The following STX6 variants were observed in gnomAD, a reference collection of about 807,000 sequenced individuals.
STX6 encodes the protein syntaxin 6, also known as syntaxin-6.
Under a neutral mutation model 38.0 loss-of-function variants are expected in STX6, and 23 were observed. The observed-to-expected ratio is 0.60, with a 90% CI of 0.43 to 0.86. The LOEUF (loss-of-function observed/expected upper bound fraction) is 0.86, where lower values mean the gene tolerates loss of function less well. Ranked by LOEUF, STX6 falls within the 40% of genes least tolerant of loss-of-function variation. STX6 has a pLI of 0.00. For synonymous variants in STX6, 123 were observed against 107.5 expected (o/e 1.14, Z -0.89); for missense variants, 274 against 312.9 (o/e 0.88, Z 0.94).
intron 4 of STX6, among the ~76,000 whole-genome samples, chr1:180,991,632 G>A (rs1655758787): frequency 6.6e-6 from 1 of 152,190 alleles, no homozygotes; most frequent in South Asian, 2.1e-4. Context: ...TCATCAGTCT[G>A]ATCCCAAATG....
intron 7 of STX6, among the ~76,000 whole-genome samples, chr1:180,982,645 G>T (rs1254276515): frequency 6.6e-6 from 1 of 152,226 alleles, no homozygotes; most frequent in Admixed American, 6.5e-5. Context: ...TCCCCAAACA[G>T]AACTGGTGCT....
chr1:181,011,132 T>C (rs1352302703), intron 1 of STX6, among the ~76,000 whole-genome samples: 2 of 152,236 alleles, frequency 1.3e-5, no homozygotes, highest in African/African-American at 2.4e-5. Context: ...TCTAAAGCTC[T>C]TATTTTTAAA....
At chr1:181,016,234 T>A (rs1217326224) in intron 1 of STX6, among the ~76,000 whole-genome samples, 1 of 151,582 alleles carries the variant, frequency 6.6e-6, no homozygotes, top group Admixed American at 6.6e-5. Context: ...TTTATCTTTC[T>A]CATTCCTGGT....
intron 2 of STX6, 94 bp from the exon 3 acceptor site, chr1:181,002,794 T>A: frequency 1.2e-6 from 1 of 847,364 alleles, no homozygotes; most frequent in Non-Finnish European, 1.9e-6. Context: ...ACAAATAAAA[T>A]CTGGCTCAAA....
In STX6 at chr1:180,992,094, A is replaced by AG. The variant is rs1226248398; in HGVS notation, c.363+1268dup. Among the ~76,000 whole-genome samples the AG allele has an allele frequency of 2.6e-5, 4 of 152,000 alleles. No individual in the cohort carries two copies. In the East Asian group the frequency reaches 7.7e-4, roughly 29 times the overall value. On this transcript the variant is annotated intron_variant, in intron 4 of 7. Coordinates refer to ENST00000258301, the MANE Select transcript of STX6 (RefSeq NM_005819.6). Reference sequence around the variant, plus strand: ...ACTTCAGTTACTTCCACTTCCTATAAGCTCAAGTGCAAATGAGAAGAGAAC... The same window carrying AG: ...ACTTCAGTTACTTCCACTTCCTATAAGGCTCAAGTGCAAATGAGAAGAGAAC...
intron 1 of STX6, among the ~76,000 whole-genome samples, chr1:181,016,503 G>T (rs556656066): frequency 6.6e-6 from 1 of 152,092 alleles, no homozygotes; most frequent in Non-Finnish European, 1.5e-5. Flanking sequence ...TTCTTACAAC[G>T]AAACACTGGA....
intron 6 of STX6, among the ~76,000 whole-genome samples, chr1:180,985,250 AG>A (rs1307763018): frequency 1.3e-5 from 2 of 152,238 alleles, no homozygotes; most frequent in Non-Finnish European, 2.9e-5. Flanking sequence ...GCAATGTGGT[AG>A]AAACAATGCT....
intron 1 of STX6, among the ~76,000 whole-genome samples, chr1:181,020,094 A>G (rs1179200620): frequency 2.0e-5 from 3 of 152,168 alleles, no homozygotes; most frequent in Non-Finnish European, 4.4e-5. Flanking sequence ...ACACACCTAT[A>G]GTCCCAGCTA....
At position 180,973,400 on chromosome 1, in the gene STX6, T is replaced by A. The variant is rs1655172365; in HGVS notation, c.*3170A>T. ...CAGGGAAATTACCAAAAGAAAAATC[T>A]TGGCTCTACCATCTCTACTTACAGA... On this transcript the variant is annotated 3_prime_UTR_variant, in exon 8 of 8. Coordinates refer to ENST00000258301, the MANE Select transcript of STX6 (RefSeq NM_005819.6). The A allele has an allele frequency of 6.6e-6, 1 of 152,666 alleles. No individual in the cohort carries two copies. Among genetic ancestry groups the A allele is most frequent in the African/African-American group, 2.4e-5 (1 of 41,470 alleles). The allele number at this position is 152,666 out of a possible 1,614,324, so 9.5% of individuals were successfully genotyped here.
At chr1:180,994,103 T>A (rs1472079994) in intron 3 of STX6, among the ~76,000 whole-genome samples, 1 of 152,248 alleles carries the variant, frequency 6.6e-6, no homozygotes, top group African/African-American at 2.4e-5. Flanking sequence ...CATTACTTTA[T>A]CTGAAGCAAA....
intron 2 of STX6, among the ~76,000 whole-genome samples, chr1:181,003,709 C>A (rs1349168573): frequency 2.0e-5 from 3 of 152,106 alleles, no homozygotes; most frequent in Non-Finnish European, 4.4e-5. Context: ...AGGGAAAAAA[C>A]AAAACAGAAC....
chr1:181,013,645 G>C (rs183157001), intron 1 of STX6, among the ~76,000 whole-genome samples: 11 of 152,326 alleles, frequency 7.2e-5, no homozygotes, highest in East Asian at 1.9e-4. Flanking sequence ...GCATGTTCTA[G>C]TTATCGTGGT....
At chr1:180,994,108 A>T (rs1655833396) in intron 3 of STX6, among the ~76,000 whole-genome samples, 1 of 152,220 alleles carries the variant, frequency 6.6e-6, no homozygotes, top group South Asian at 2.1e-4. Flanking sequence ...CTTTATCTGA[A>T]GCAAAACACT....
Position 180,973,852 on chromosome 1 carries a change from A to G in STX6, c.*2718T>C, listed in dbSNP as rs1375179131. ...ATCATTTAAGTAAAATGTTCTTCCA[A>G]TAAACATAAATTGAGCTCTTCCTCT... On this transcript the variant is annotated 3_prime_UTR_variant, in exon 8 of 8. Transcript: ENST00000258301. 1 of 152,224 alleles carries G rather than the reference A, an allele frequency of 6.6e-6. No homozygotes were observed. The highest frequency in any genetic ancestry group is 1.5e-5 in the Non-Finnish European group (1 of 68,042). The allele number at this position is 152,224 out of a possible 1,614,324, so 9.4% of individuals were successfully genotyped here.
Position 181,022,792 on chromosome 1 carries a change from C to G in STX6, c.-119G>C, listed in dbSNP as rs1240595945. Reference sequence around the variant, plus strand: ...GCCCGCGCCTTAGTCTGGGTGAAGCCGAGCAGCGGGCACGCGCACAGGCCA... The same window carrying G: ...GCCCGCGCCTTAGTCTGGGTGAAGCGGAGCAGCGGGCACGCGCACAGGCCA... On this transcript the variant is annotated 5_prime_UTR_variant, in exon 1 of 8. Transcript: ENST00000258301. 2.9e-6 allele frequency: 3 copies of G among 1,042,782 alleles called. No homozygotes were observed. Among genetic ancestry groups the G allele is most frequent in the African/African-American group, 1.6e-5 (1 of 62,966 alleles). The allele number at this position is 1,042,782 out of a possible 1,614,324, so 64.6% of individuals were successfully genotyped here. A position where few individuals can be genotyped will look rare whatever the true frequency, so the allele number is the denominator to read the frequency against.
At chr1:181,010,429 G>A (rs373528381) in intron 1 of STX6, among the ~76,000 whole-genome samples, 1 of 152,078 alleles carries the variant, frequency 6.6e-6, no homozygotes, top group East Asian at 1.9e-4. Flanking sequence ...AGCCTCCCGA[G>A]TAGCTGATAT....
At chr1:181,000,520 C>G (rs1656050340) in intron 3 of STX6, among the ~76,000 whole-genome samples, 11 of 152,124 alleles carry the variant, frequency 7.2e-5, no homozygotes, top group Admixed American at 7.2e-4. Flanking sequence ...TGGGAAACTG[C>G]CCCCATGATT....
At chr1:181,022,250 T>C (rs1176078905) in intron 1 of STX6, among the ~76,000 whole-genome samples, 3 of 152,166 alleles carry the variant, frequency 2.0e-5, no homozygotes, top group African/African-American at 7.2e-5. Context: ...ATTTCCCTTT[T>C]CCTGCCCAGA....
intron 1 of STX6, among the ~76,000 whole-genome samples, chr1:181,020,546 C>T (rs1656696811): frequency 6.6e-6 from 1 of 152,088 alleles, no homozygotes; most frequent in Non-Finnish European, 1.5e-5. Context: ...GAAATGAGAC[C>T]AGAAGCAGGA....
Sources: gnomAD v4.1 joint callset for allele counts (sites outside exome capture counted in the v4.1 genomes callset) on GRCh38, gnomAD v4.1.1 for gene constraint, MANE v1.5 for transcripts, NCBI Gene and HGNC (gene_info 2026-07-23, HGNC 2026-07-21) for gene names.